Variants in CCDC85A observed in about 807,000 individuals in gnomAD.
The protein encoded by CCDC85A is coiled-coil domain-containing protein 85A.
Under a neutral mutation model 50.2 loss-of-function variants are expected in CCDC85A, and 38 were observed. The observed-to-expected ratio is 0.76, with a 90% CI of 0.58 to 0.99. CCDC85A has a LOEUF of 0.99. Ranked by LOEUF, CCDC85A falls within the 50% of genes least tolerant of loss-of-function variation. CCDC85A has a pLI of 0.00. For missense variants in CCDC85A, 820 were observed against 742.0 expected (o/e 1.11, Z -1.22); for synonymous variants, 366 against 301.4 (o/e 1.21, Z -2.22).
At chr2:56,296,608 A>C (rs574196878) in intron 2 of CCDC85A, among the ~76,000 whole-genome samples, 3 of 152,268 alleles carry the variant, frequency 2.0e-5, no homozygotes, top group African/African-American at 7.2e-5. Context: ...GGCATTATTC[A>C]GAAAGGCTTT....
chr2:56,279,919 A>G (rs1004034356), intron 2 of CCDC85A, among the ~76,000 whole-genome samples: 3 of 152,208 alleles, frequency 2.0e-5, no homozygotes, highest in African/African-American at 7.2e-5. Context: ...CTTCTCTTTG[A>G]TACACTGATT....
intron 2 of CCDC85A, among the ~76,000 whole-genome samples, chr2:56,283,484 A>G (rs1671296291): frequency 1.3e-5 from 2 of 152,056 alleles, no homozygotes; most frequent in Non-Finnish European, 2.9e-5. Context: ...CTTTTCTAAC[A>G]TTTGCTGGTT....
chr2:56,325,270 T>G (rs1673407479), intron 2 of CCDC85A, among the ~76,000 whole-genome samples: 1 of 152,110 alleles, frequency 6.6e-6, no homozygotes, highest in South Asian at 2.1e-4. Flanking sequence ...GGAGATGTAG[T>G]TAGCCTAAGA....
At chr2:56,326,288 C>T (rs1388061593) in intron 2 of CCDC85A, among the ~76,000 whole-genome samples, 2 of 152,052 alleles carry the variant, frequency 1.3e-5, no homozygotes, top group Non-Finnish European at 2.9e-5. Context: ...CTTAGTTTTG[C>T]AGTGAAGATT....
At chr2:56,278,173 G>A (rs1364831441) in intron 2 of CCDC85A, among the ~76,000 whole-genome samples, 1 of 152,104 alleles carries the variant, frequency 6.6e-6, no homozygotes, top group African/African-American at 2.4e-5. Flanking sequence ...CCATGCCAGA[G>A]TGTCTGGATC....
rs913798492 is a variant in CCDC85A at position 56,184,523 on chromosome 2, G to A, written c.-102G>A. 1.0e-3 allele frequency: 1,254 copies of A among 1,220,000 alleles called. 1 individual carries two copies. The highest frequency in any genetic ancestry group is 1.6e-3 in the South Asian group (57 of 35,022). 75.6% of individuals were successfully genotyped at this position (1,220,000 alleles called of 1,614,324 possible). On this transcript the variant is annotated 5_prime_UTR_variant, in exon 1 of 6. Coordinates refer to ENST00000407595, the MANE Select transcript of CCDC85A (RefSeq NM_001080433.2). The stretch of plus-strand genomic sequence containing the variant: ...CCCTGGGCGGTGCCGCTGACTCGCC[G>A]GAGCGCACAGGGGTGTGGGCGGAGG...
intron 2 of CCDC85A, among the ~76,000 whole-genome samples, chr2:56,305,114 A>AAT (rs1007828379): frequency 2.0e-5 from 3 of 151,822 alleles, no homozygotes; most frequent in African/African-American, 7.3e-5. Context: ...AAAAAAAAAA[A>AAT]ATATAGGATA....
At chr2:56,227,355 T>C (rs1668585404) in intron 2 of CCDC85A, among the ~76,000 whole-genome samples, 1 of 152,242 alleles carries the variant, frequency 6.6e-6, no homozygotes, top group South Asian at 2.1e-4. Flanking sequence ...GAAGGATACA[T>C]GTTTTCAGAT....
chr2:56,294,372 C>G (rs1481543944), intron 2 of CCDC85A, among the ~76,000 whole-genome samples: 1 of 152,162 alleles, frequency 6.6e-6, no homozygotes, highest in East Asian at 1.9e-4. Flanking sequence ...ATAGATGTGG[C>G]AAACCACCAT....
chr2:56,228,027 T>G (rs1329962825), intron 2 of CCDC85A, among the ~76,000 whole-genome samples: 1 of 152,196 alleles, frequency 6.6e-6, no homozygotes, highest in African/African-American at 2.4e-5. Flanking sequence ...GTTGAAAGAT[T>G]GAAATACTTT....
At position 56,193,314 on chromosome 2, in the gene CCDC85A, C is replaced by A; in HGVS notation, c.1114C>A (p.His372Asn). The change falls in exon 2 of 6, where the codon CAC becomes AAC. Residue 372 changes from histidine (H) to asparagine (N), a missense_variant. His to Asn is a moderately conservative substitution (Grantham distance 68). Transcript: ENST00000407595. ...ACAACATTATGGAGGGAGCCCTGATCACAAACACGGAGGAGGCAGTGGAGG... is the reference window on the plus strand; with the variant it reads ...ACAACATTATGGAGGGAGCCCTGATAACAAACACGGAGGAGGCAGTGGAGG... ...LKQHYGGSPD[H>N]KHGGGSGGSG... 1 of 1,613,448 alleles carries A rather than the reference C, an allele frequency of 6.2e-7. No individual in the cohort carries two copies.
rs57047085 is a variant in CCDC85A at position 56,353,099 on chromosome 2, G to T, written c.1317+10144G>T. 7.9e-3 allele frequency among the ~76,000 whole-genome samples: 1,200 copies of T among 152,224 alleles called. 11 individuals are homozygous for T. Among genetic ancestry groups the T allele is most frequent in the African/African-American group, 0.027 (1,101 of 41,522 alleles). ...ATTTACAAATGCCTACTTACATCGT[G>T]GGGGGTTACTCTACCTCACTGGATT... On this transcript the variant is annotated intron_variant, in intron 3 of 5. Transcript: ENST00000407595.
rs150194351 is a variant in CCDC85A at position 56,312,094 on chromosome 2, C to G, written c.1241-30785C>G. Reference sequence around the variant, plus strand: ...TCTGCTTTTCTATCTTTGAATGAAGCGAAGGATAAGAAAAAATGATTAAGA... The same window carrying G: ...TCTGCTTTTCTATCTTTGAATGAAGGGAAGGATAAGAAAAAATGATTAAGA... On this transcript the variant is annotated intron_variant, in intron 2 of 5. Coordinates refer to ENST00000407595, the MANE Select transcript of CCDC85A (RefSeq NM_001080433.2). Among the ~76,000 whole-genome samples the G allele has an allele frequency of 7.0e-3, 1,062 of 152,044 alleles. 25 individuals carry two copies. The highest frequency in any genetic ancestry group is 0.024 in the African/African-American group (1,009 of 41,480).
At chr2:56,197,687 C>T (rs1456654071) in intron 2 of CCDC85A, among the ~76,000 whole-genome samples, 1 of 152,190 alleles carries the variant, frequency 6.6e-6, no homozygotes, top group African/African-American at 2.4e-5. Flanking sequence ...AAGAAAACTT[C>T]TCCTTTTCCT....
At chr2:56,271,928 G>A (rs1482823910) in intron 2 of CCDC85A, among the ~76,000 whole-genome samples, 1 of 152,168 alleles carries the variant, frequency 6.6e-6, no homozygotes, top group East Asian at 1.9e-4. Context: ...ATTTGGATGT[G>A]TGAGCTTCCT....
At chr2:56,221,760 A>G (rs1019658863) in intron 2 of CCDC85A, among the ~76,000 whole-genome samples, 1 of 152,056 alleles carries the variant, frequency 6.6e-6, no homozygotes, top group Non-Finnish European at 1.5e-5. Flanking sequence ...TAGGTTATAA[A>G]TTTCTCACCC....
At chr2:56,208,867 C>A (rs1194823253) in intron 2 of CCDC85A, among the ~76,000 whole-genome samples, 2 of 151,950 alleles carry the variant, frequency 1.3e-5, no homozygotes, top group Non-Finnish European at 2.9e-5. Context: ...TTATAAATAC[C>A]ATATAAAACA....
intron 2 of CCDC85A, among the ~76,000 whole-genome samples, chr2:56,221,008 A>C (rs1668302767): frequency 6.6e-6 from 1 of 152,020 alleles, no homozygotes; most frequent in South Asian, 2.1e-4. Flanking sequence ...TGGATTGGAC[A>C]ACATGCTTTT....
At chr2:56,315,179 C>T (rs6748952) in intron 2 of CCDC85A, among the ~76,000 whole-genome samples, 7,431 of 152,234 alleles carry the variant, frequency 0.049, 614 homozygotes, top group African/African-American at 0.17. Flanking sequence ...TCTGCCCATC[C>T]CATTCCACCT....
Sources: gnomAD v4.1 joint callset for allele counts (sites outside exome capture counted in the v4.1 genomes callset) on GRCh38, gnomAD v4.1.1 for gene constraint, MANE v1.5 for transcripts, NCBI Gene and HGNC (gene_info 2026-07-23, HGNC 2026-07-21) for gene names.